The following MAPT variants were observed in gnomAD, a reference collection of about 807,000 sequenced individuals.
MAPT encodes microtubule associated protein tau.
MAPT carries 34 observed loss-of-function variants against 67.9 expected under a neutral mutation model. That is an observed-to-expected ratio of 0.50 (90% CI 0.38 to 0.67). The LOEUF (loss-of-function observed/expected upper bound fraction) is 0.67. MAPT is among the 30% of genes least tolerant of loss of function. MAPT has a pLI of 0.00. For missense variants in MAPT, 881 were observed against 1,115.2 expected, an observed-to-expected ratio of 0.79 and a Z score of 2.99; for synonymous variants, 456 against 464.5, an observed-to-expected ratio of 0.98 and a Z score of 0.23.
chr17:45,960,466 T>C (rs563519352), intron 1 of MAPT, among the ~76,000 whole-genome samples: 1 of 152,372 alleles, frequency 6.6e-6, no homozygotes, highest in South Asian at 2.1e-4. Flanking sequence ...TTCACATCAC[T>C]TATGATGGAC....
intron 2 of MAPT, among the ~76,000 whole-genome samples, chr17:45,970,006 T>G (rs2071485462): frequency 1.3e-5 from 2 of 149,032 alleles, no homozygotes; most frequent in Admixed American, 6.7e-5. Flanking sequence ...TCGAATCATC[T>G]ACACATCACC....
rs201157234 is a variant in MAPT, at chr17:45,996,481, G to A, written c.1815G>A (p.Pro605=). The A allele has an allele frequency of 9.3e-6, 15 of 1,613,150 alleles. No homozygotes were observed. Among genetic ancestry groups the A allele is most frequent in the African/African-American group, 2.7e-5 (2 of 74,984 alleles). The change falls in exon 9 of 13, where the codon CCG becomes CCA. Residue 605 remains proline (P), a synonymous_variant. Transcript: ENST00000262410. The surrounding 1 kb of genome is among the most constrained non-coding windows in gnomAD (Gnocchi z 4.5). ...CTCCCGGCAGCCGCTCCCGCACCCCGTCCCTTCCAACCCCACCCACCCGGG... is the reference window on the plus strand; with the variant it reads ...CTCCCGGCAGCCGCTCCCGCACCCCATCCCTTCCAACCCCACCCACCCGGG... ...PGTPGSRSRT[P]SLPTPPTREP... is the part of the protein sequence containing the mutation.
intron 3 of MAPT, chr17:45,975,057 A>C (rs1354674199): frequency 6.5e-6 from 1 of 153,102 alleles, no homozygotes; most frequent in Admixed American, 6.5e-5. Flanking sequence ...ATGGGGAATC[A>C]ATCAGACAGG....
intron 7 of MAPT, chr17:45,990,402 T>G (rs1311467243): frequency 4.4e-6 from 2 of 450,020 alleles, no homozygotes; most frequent in Non-Finnish European, 4.2e-6. Flanking sequence ...TCACCTGAGA[T>G]CAGGAGTTCG....
chr17:45,944,930 A>G (rs1161659868), intron 1 of MAPT, among the ~76,000 whole-genome samples: 2 of 152,168 alleles, frequency 1.3e-5, no homozygotes. Flanking sequence ...TGTAAAGCTG[A>G]ACTCTCCAGC....
At chr17:45,920,879 C>T (rs867894434) in intron 1 of MAPT, among the ~76,000 whole-genome samples, 12 of 152,336 alleles carry the variant, frequency 7.9e-5, no homozygotes, top group Middle Eastern at 3.4e-3. Flanking sequence ...TCACCCACCT[C>T]GCCCCTCATC....
chr17:45,959,676 G>T (rs529930286), intron 1 of MAPT, among the ~76,000 whole-genome samples: 3 of 152,108 alleles, frequency 2.0e-5, no homozygotes, highest in African/African-American at 7.2e-5. Context: ...AGCTACTCGG[G>T]AGGCTGAGGC....
chr17:45,932,765 A>G (rs1181591231), intron 1 of MAPT, among the ~76,000 whole-genome samples: 1 of 152,194 alleles, frequency 6.6e-6, no homozygotes, highest in Non-Finnish European at 1.5e-5. Flanking sequence ...CCTTACTAAC[A>G]CTGAGATCGC....
chr17:46,024,044 C>G lies in MAPT; in HGVS notation c.2375C>G (p.Ser792Cys). The change falls in exon 13 of 13, where the codon TCT (serine) becomes TGT (cysteine). Residue 792 changes from serine to cysteine, a missense_variant. Ser to Cys is a moderately radical substitution (Grantham distance 112). Coordinates refer to ENST00000262410, the MANE Select transcript of MAPT (RefSeq NM_001377265.1). ...AEIVYKSPVV[S>C]GDTSPRHLSN... ...ATCGTGTACAAGTCGCCAGTGGTGT[C>G]TGGGGACACGTCTCCACGGCATCTC... 6.2e-7 allele frequency: 1 copy of G among 1,614,148 alleles called. No homozygotes were observed. The highest frequency in any genetic ancestry group is 8.5e-7 in the Non-Finnish European group (1 of 1,180,026).
chr17:45,976,908 G>A (rs1466568949), intron 3 of MAPT: 1 of 152,306 alleles, frequency 6.6e-6, no homozygotes, highest in Non-Finnish European at 1.5e-5. Flanking sequence ...CAAGGACTCT[G>A]GCATTTAGCT....
At position 46,010,458 on chromosome 17, in the gene MAPT, G is replaced by C; in HGVS notation, c.2091+56G>C. The C allele has an allele frequency of 8.2e-7, 1 of 1,219,660 alleles. No individual in the cohort carries two copies. Among genetic ancestry groups the C allele is most frequent in the African/African-American group, 1.5e-5 (1 of 66,736 alleles). 75.6% of individuals were successfully genotyped at this position (1,219,660 alleles called of 1,614,324 possible). ...GCTGTGGCTTGAATTATTAGGAAGT[G>C]GTGTGAGTGCGTACACTTGCGAGAC... On this transcript the variant is annotated intron_variant, in intron 10 of 12. Transcript: ENST00000262410. The surrounding 1 kb of genome is among the most constrained non-coding windows in gnomAD (Gnocchi z 4.7).
chr17:45,936,928 A>G (rs1327266660), intron 1 of MAPT, among the ~76,000 whole-genome samples: 2 of 152,144 alleles, frequency 1.3e-5, no homozygotes, highest in Non-Finnish European at 2.9e-5. Flanking sequence ...AGCAGTGTGC[A>G]AAGTCCCATT....
chr17:45,999,705 T>A (rs1355164247), intron 9 of MAPT: 14 of 1,507,892 alleles, frequency 9.3e-6, no homozygotes, highest in African/African-American at 1.4e-5. Flanking sequence ...GACGTCACCA[T>A]GCTGGGTGGA....
intron 1 of MAPT, among the ~76,000 whole-genome samples, chr17:45,926,967 A>ATATGTG (rs2066389461): frequency 6.6e-6 from 1 of 150,716 alleles, no homozygotes; most frequent in African/African-American, 2.4e-5. Flanking sequence ...GTATATATAT[A>ATATGTG]CATATATGTG....
intron 1 of MAPT, among the ~76,000 whole-genome samples, chr17:45,928,821 G>A (rs1271295249): frequency 6.6e-6 from 1 of 152,116 alleles, no homozygotes; most frequent in East Asian, 1.9e-4. Flanking sequence ...TCAGCCTCCT[G>A]AGTGGCTGGA....
intron 1 of MAPT, among the ~76,000 whole-genome samples, chr17:45,930,274 G>T (rs911050267): frequency 2.6e-5 from 4 of 152,060 alleles, no homozygotes; most frequent in Non-Finnish European, 5.9e-5. Context: ...GGGTATGGTG[G>T]CATGCACCTG....
chr17:45,905,176 C>T (rs1323785561), intron 1 of MAPT, among the ~76,000 whole-genome samples: 5 of 152,288 alleles, frequency 3.3e-5, no homozygotes, highest in African/African-American at 1.2e-4. Context: ...TCCCTAAATC[C>T]GCTTGAATAA....
At chr17:45,992,677 T>G (rs2074157529) in intron 8 of MAPT, among the ~76,000 whole-genome samples, 1 of 151,706 alleles carries the variant, frequency 6.6e-6, no homozygotes, top group African/African-American at 2.4e-5. Flanking sequence ...TCACCTGAGG[T>G]CAGGAGTTCG....
At chr17:45,904,425 G>T (rs2064152370) in intron 1 of MAPT, among the ~76,000 whole-genome samples, 1 of 101,628 alleles carries the variant, frequency 9.8e-6, no homozygotes, top group African/African-American at 3.3e-5. Context: ...ATGAGGCCAG[G>T]CTCGGTGGCT....
Sources: allele counts gnomAD v4.1 joint callset (sites outside exome capture counted in the v4.1 genomes callset), GRCh38; gene constraint gnomAD v4.1.1; non-coding constraint Gnocchi (gnomAD v3.1); transcripts MANE v1.5; gene names NCBI Gene and HGNC (gene_info 2026-07-23, HGNC 2026-07-21).